The following RGS11 variants were observed in gnomAD, a reference collection of about 807,000 sequenced individuals.
The protein encoded by RGS11 is regulator of G-protein signaling 11.
In RGS11, 86 loss-of-function variants were observed where a neutral mutation model predicts 71.1. That is an observed-to-expected ratio of 1.21 (90% confidence interval 1.02 to 1.45). The LOEUF is 1.45. RGS11 is among the 40% of genes most tolerant of loss of function. RGS11 has a pLI of 0.00. For synonymous variants in RGS11, 298 were observed against 254.2 expected, an observed-to-expected ratio of 1.17 and a Z score of -1.64; for missense variants, 734 against 635.1, an observed-to-expected ratio of 1.16 and a Z score of -1.67.
At position 273,197 on chromosome 16, in the gene RGS11, C is replaced by T. The variant is rs76267595; in HGVS notation, c.589-266G>A. Among the ~76,000 whole-genome samples the T allele has an allele frequency of 4.9e-3, 743 of 152,222 alleles. 27 individuals carry two copies. In the East Asian group the frequency reaches 0.096, roughly 20 times the overall value. On this transcript the variant is annotated intron_variant, in intron 8 of 16. Transcript: ENST00000397770. ...AGGCCGCCCCCACTCTGCCTGCTCC[C>T]GAGGCAGAGTCTGCAGTCCCCGCAA...
Position 275,017 on chromosome 16 carries a change from T to A in RGS11, c.277A>T (p.Ser93Cys). The A allele has an allele frequency of 6.6e-7, 1 of 1,520,706 alleles. No homozygotes were observed. The allele number at this position is 1,520,706 out of a possible 1,614,324, so 94.2% of individuals were successfully genotyped here. The change falls in exon 4 of 17, where the codon AGC becomes TGC. Residue 93 changes from serine (S) to cysteine (C), a missense_variant. Coordinates refer to ENST00000397770, the MANE Select transcript of RGS11 (RefSeq NM_183337.3). The stretch of plus-strand genomic sequence containing the variant: ...GTCTCGTCTGGCCGGAGCATGAGGC[T>A]ACGGGGGTCGCGCAGCGGGTAGATG... ...GYIYPLRDPR[S>C]LMLRPDETPY...
intron 6 of RGS11, 74 bp from the exon 7 acceptor site, chr16:273,910 T>C: frequency 6.6e-7 from 1 of 1,507,702 alleles, no homozygotes; most frequent in East Asian, 2.3e-5. Flanking sequence ...AGTTGGGGGG[T>C]TGGGGACTGT....
intron 1 of RGS11, 61 bp from the exon 2 acceptor site, chr16:275,559 C>T (rs1414138432): frequency 1.5e-6 from 2 of 1,351,188 alleles, no homozygotes; most frequent in East Asian, 2.6e-5. Flanking sequence ...TCCCTGGCAC[C>T]GGCCGGGATG....
At position 272,851 on chromosome 16, in the gene RGS11, G is replaced by A. The variant is rs755176308; in HGVS notation, c.657+12C>T. On this transcript the variant is annotated intron_variant, in intron 9 of 16. Transcript: ENST00000397770. ...GGGTGAGAGGGCGGCCAGCACGCAC[G>A]CAGGGGCTCACCATGAGCACACGGC... The A allele has an allele frequency of 3.0e-5, 46 of 1,542,036 alleles. No homozygotes were observed. The highest frequency in any genetic ancestry group is 2.1e-4 in the South Asian group (18 of 83,826).
intron 9 of RGS11, chr16:272,275 C>G: frequency 8.0e-7 from 1 of 1,244,038 alleles, no homozygotes; most frequent in Non-Finnish European, 1.0e-6. Context: ...GCGGAGGAGG[C>G]GGACGCGCTG....
In RGS11 at chr16:275,882, G is replaced by A. The variant is rs1440397456; in HGVS notation, c.30C>T (p.Gly10=). 2 of 953,050 alleles carry A rather than the reference G, an allele frequency of 2.1e-6. No homozygotes were observed. The highest frequency in any genetic ancestry group is 2.6e-6 in the Non-Finnish European group (2 of 780,576). The allele number at this position is 953,050 out of a possible 1,614,324, so 59.0% of individuals were successfully genotyped here. A position where few individuals can be genotyped will look rare whatever the true frequency, so the allele number is the denominator to read the frequency against. MAAGPAPPP[G]RPRAQMPHLR... ...GATGCGGCATCTGCGCCCGGGGGCG[G>A]CCGGGGGGCGGCGCGGGGCCGGCGG... The change falls in exon 1 of 17, where the codon GGC becomes GGT. Residue 10 remains glycine, a synonymous_variant. Transcript: ENST00000397770.
intron 6 of RGS11, 33 bp from the exon 7 acceptor site, chr16:273,869 C>T (rs374446561): frequency 6.1e-5 from 98 of 1,596,168 alleles, no homozygotes; most frequent in Middle Eastern, 3.3e-4. Context: ...TGGGTCACCC[C>T]GGCCCCTGCC....
chr16:270,488 C>A lies in RGS11; in HGVS notation c.1206+35G>T, dbSNP rs1434617637. 3 of 1,570,756 alleles carry A rather than the reference C, an allele frequency of 1.9e-6. No individual in the cohort carries two copies. In the African/African-American group the frequency reaches 4.0e-5, roughly 21 times the overall value. On this transcript the variant is annotated intron_variant, in intron 15 of 16. Coordinates refer to ENST00000397770, the MANE Select transcript of RGS11 (RefSeq NM_183337.3). Reference sequence around the variant, plus strand: ...GGACATGGAGGCCCGTCTGGGATGACCCCTCCTGCCCCTGCAGGCTGGCCC... The same window carrying A: ...GGACATGGAGGCCCGTCTGGGATGAACCCTCCTGCCCCTGCAGGCTGGCCC...
intron 3 of RGS11, 68 bp downstream of exon 3, chr16:275,215 C>G (rs1456353522): frequency 6.2e-6 from 10 of 1,607,658 alleles, no homozygotes; most frequent in South Asian, 4.4e-5. Context: ...CTGCCAGACT[C>G]CAGGAAAACC....
Position 269,221 on chromosome 16 carries a change from G to T in RGS11, c.*48C>A. On this transcript the variant is annotated 3_prime_UTR_variant, in exon 17 of 17. Transcript: ENST00000397770. Reference sequence around the variant, plus strand: ...AGACGGGGGTGGCTGCTGCATTCACGCAGGACGTTGAGCTGCAGGGACTAG... The same window carrying T: ...AGACGGGGGTGGCTGCTGCATTCACTCAGGACGTTGAGCTGCAGGGACTAG... 1 of 1,344,184 alleles carries T rather than the reference G, an allele frequency of 7.4e-7. No homozygotes were observed. Among genetic ancestry groups the T allele is most frequent in the East Asian group, 2.5e-5 (1 of 40,188 alleles). The allele number at this position is 1,344,184 out of a possible 1,614,324, so 83.3% of individuals were successfully genotyped here.
In RGS11 at chr16:272,999, C is replaced by G. The variant is rs1158165040; in HGVS notation, c.589-68G>C. 4 of 1,361,716 alleles carry G rather than the reference C, an allele frequency of 2.9e-6. No homozygotes were observed. In the East Asian group the frequency reaches 7.8e-5, roughly 27 times the overall value. 84.4% of individuals were successfully genotyped at this position (1,361,716 alleles called of 1,614,324 possible). ...GGCTGACCCCCTTTAAGGCTAAGTT[C>G]CCCCTCCCAGACCCCCATGTGGAAA... is the stretch of plus-strand genomic sequence containing the variant. On this transcript the variant is annotated intron_variant, in intron 8 of 16. Transcript: ENST00000397770.
intron 1 of RGS11, 49 bp downstream of exon 1, chr16:275,800 T>C: frequency 2.7e-6 from 2 of 734,938 alleles, no homozygotes; most frequent in South Asian, 4.8e-5. Context: ...CCTCCCGGCC[T>C]CGGGCGCCGG....
At chr16:274,310 GC>G (rs1454224007) in intron 4 of RGS11, 45 bp from the exon 5 acceptor site, 2 of 1,577,592 alleles carry the variant, frequency 1.3e-6, no homozygotes, top group African/African-American at 2.7e-5. Flanking sequence ...CTGCGTCTGT[GC>G]CTCCCCAGTG....
chr16:274,079 G>A lies in RGS11; in HGVS notation c.393C>T (p.Asn131=), dbSNP rs769911936. The change falls in exon 6 of 17, where the codon AAC becomes AAT. Residue 131 remains asparagine, a synonymous_variant. Transcript: ENST00000397770. ...LDYAIYLAKK[N]IRKRGTLVDY... is the part of the protein sequence containing the mutation. ...CCACCAGGGTCCCCCGTTTTCGGAT[G>A]TTCTTCTTGGCCAGGTAGATGGCTG... 6 of 1,551,650 alleles carry A rather than the reference G, an allele frequency of 3.9e-6. No individual in the cohort carries two copies. The South Asian group carries it at 7.1e-5, about 18-fold the overall frequency.
chr16:272,893 C>G lies in RGS11; in HGVS notation c.627G>C (p.Arg209=). Residue 209 remains arginine (R), a synonymous_variant, in exon 9 of 17, where the codon CGG becomes CGC. Transcript: ENST00000397770. The part of the protein sequence containing the change: ...APDVLEQGPG[R]GSCAASRVLM... ...GCACACGGCTGGCAGCGCAGGATCC[C>G]CGCCCTGGACCCTGCTCCAGCACAT... 1 of 1,531,540 alleles carries G rather than the reference C, an allele frequency of 6.5e-7. No individual in the cohort carries two copies. The highest frequency in any genetic ancestry group is 1.2e-5 in the South Asian group (1 of 82,358). 94.9% of individuals were successfully genotyped at this position (1,531,540 alleles called of 1,614,324 possible). A position where few individuals can be genotyped will look rare whatever the true frequency, so the allele number is the denominator to read the frequency against.
Position 268,821 on chromosome 16 carries a change from TCGCGCCGAGACCTGCATGTC to T in RGS11, c.*428_*447del. The T allele has an allele frequency of 6.5e-7, 1 of 1,550,270 alleles. No homozygotes were observed. The highest frequency in any genetic ancestry group is 8.7e-7 in the Non-Finnish European group (1 of 1,146,922). ...GAGAGGCTCTTGGACGGGGCAGAGCTCGCGCCGAGACCTGCATGTCCGCGTCTTGTGACGGGTGTGTGGGA... is the reference window on the plus strand; with the variant it reads ...GAGAGGCTCTTGGACGGGGCAGAGCTCGCGTCTTGTGACGGGTGTGTGGGA... On this transcript the variant is annotated 3_prime_UTR_variant, in exon 17 of 17. Transcript: ENST00000397770.
rs1036276319 is a variant in RGS11 at position 271,290 on chromosome 16, C to T, written c.775G>A (p.Gly259Arg). 2.5e-6 allele frequency: 4 copies of T among 1,612,816 alleles called. No homozygotes were observed. Among genetic ancestry groups the T allele is most frequent in the Middle Eastern group, 1.6e-4 (1 of 6,076 alleles). The stretch of plus-strand genomic sequence containing the variant: ...CCCGACACGAGGGGATCGTGGGGTC[C>T]ACGCTGGCCGCAGAAACTCAGGTAC... ...EAYLSFCGQR[G>R]PHDPLVSGCL... Residue 259 changes from glycine to arginine, a missense_variant, in exon 12 of 17, where the codon GGA (glycine) becomes AGA (arginine). By Grantham distance (125) the Gly-to-Arg change is moderately radical (BLOSUM62 -2). Coordinates refer to ENST00000397770, the MANE Select transcript of RGS11 (RefSeq NM_183337.3).
In RGS11 at chr16:268,812, G is replaced by A. The variant is rs1288838219; in HGVS notation, c.*457C>T. On this transcript the variant is annotated 3_prime_UTR_variant, in exon 17 of 17. Transcript: ENST00000397770. The stretch of plus-strand genomic sequence containing the variant: ...GCGACAGCGGAGAGGCTCTTGGACG[G>A]GGCAGAGCTCGCGCCGAGACCTGCA... The A allele has an allele frequency of 1.9e-6, 3 of 1,550,374 alleles. No individual in the cohort carries two copies. The highest frequency in any genetic ancestry group is 2.6e-6 in the Non-Finnish European group (3 of 1,146,974).
intron 9 of RGS11, chr16:271,797 C>T (rs2051953103): frequency 1.7e-6 from 1 of 582,076 alleles, no homozygotes; most frequent in Non-Finnish European, 3.0e-6. Context: ...TTCCACGGAA[C>T]CTCAGGTTCT....
Sources: gnomAD v4.1 joint callset for allele counts (sites outside exome capture counted in the v4.1 genomes callset) on GRCh38, gnomAD v4.1.1 for gene constraint, MANE v1.5 for transcripts, NCBI Gene and HGNC (gene_info 2026-07-23, HGNC 2026-07-21) for gene names.